ITGB6: variants seen among roughly 807,000 people sequenced by gnomAD.
ITGB6 encodes the protein integrin subunit beta 6.
Under a neutral mutation model 84.5 loss-of-function variants are expected in ITGB6, and 80 were observed. The observed-to-expected ratio is 0.95, with a 90% CI of 0.79 to 1.14. The LOEUF (loss-of-function observed/expected upper bound fraction) is 1.14, where lower values mean the gene tolerates loss of function less well. Ranked by LOEUF, ITGB6 falls within the 50% of genes most tolerant of loss-of-function variation. ITGB6 has a pLI of 0.00. For synonymous variants in ITGB6, 383 were observed against 354.9 expected (o/e 1.08, Z -0.89); for missense variants, 1,006 against 968.0 (o/e 1.04, Z -0.52).
intron 11 of ITGB6, among the ~76,000 whole-genome samples, chr2:160,125,242 T>C (rs1236188600): frequency 6.6e-6 from 1 of 152,240 alleles, no homozygotes. Context: ...ACTTAATACC[T>C]CATTGATAAA....
At chr2:160,136,602 G>T (rs548613702) in intron 10 of ITGB6, among the ~76,000 whole-genome samples, 1 of 152,276 alleles carries the variant, frequency 6.6e-6, no homozygotes, top group East Asian at 1.9e-4. Flanking sequence ...ACATGCACAC[G>T]TATGTTTATT....
chr2:160,158,869 G>T (rs1042636936), intron 7 of ITGB6, among the ~76,000 whole-genome samples: 2 of 152,168 alleles, frequency 1.3e-5, no homozygotes, highest in East Asian at 3.9e-4. Context: ...GGGAGGCTGA[G>T]GGGGGTGGAT....
At chr2:160,177,137 C>T (rs1390731776) in intron 4 of ITGB6, among the ~76,000 whole-genome samples, 1 of 151,906 alleles carries the variant, frequency 6.6e-6, no homozygotes, top group East Asian at 1.9e-4. Flanking sequence ...CAAAAAATGG[C>T]ATTTGTTAGT....
chr2:160,128,144 G>A (rs1436926883), intron 10 of ITGB6, among the ~76,000 whole-genome samples: 1 of 152,118 alleles, frequency 6.6e-6, no homozygotes, highest in Non-Finnish European at 1.5e-5. Flanking sequence ...TTTAGTATAG[G>A]AGGCAGGCTA....
In ITGB6 at chr2:160,199,186, G is replaced by A. The variant is rs763423532; in HGVS notation, c.134C>T (p.Ala45Val). 1 of 1,613,486 alleles carries A rather than the reference G, an allele frequency of 6.2e-7. No homozygotes were observed. Among genetic ancestry groups the A allele is most frequent in the Admixed American group, 1.7e-5 (1 of 60,000 alleles). Reference sequence around the variant, plus strand: ...TGAGGTCATTTATTTTACCTCCTGAGCACACCAGGCACACTGAGGTCCAAT... The same window carrying A: ...TGAGGTCATTTATTTTACCTCCTGAACACACCAGGCACACTGAGGTCCAAT... The part of the protein sequence containing the change: ...LLIGPQCAWC[A>V]QENFTHPSGV... The change falls in exon 2 of 15, where the codon GCT becomes GTT. Residue 45 changes from alanine to valine, a missense_variant. By Grantham distance (64) the Ala-to-Val change is moderately conservative. Transcript: ENST00000283249.
intron 12 of ITGB6, among the ~76,000 whole-genome samples, chr2:160,120,110 G>A (rs1466045890): frequency 2.6e-5 from 4 of 151,792 alleles, no homozygotes; most frequent in East Asian, 1.9e-4. Flanking sequence ...TCAGTGTGGC[G>A]ATTCCTCAGG....
chr2:160,164,245 T>C (rs999135481), intron 7 of ITGB6, among the ~76,000 whole-genome samples: 1 of 152,218 alleles, frequency 6.6e-6, no homozygotes, highest in East Asian at 1.9e-4. Context: ...TCACAAACTT[T>C]GGCATAGTTC....
intron 10 of ITGB6, among the ~76,000 whole-genome samples, chr2:160,135,879 C>T (rs1559132958): frequency 2.6e-5 from 4 of 152,140 alleles, no homozygotes; most frequent in Admixed American, 2.6e-4. Context: ...GGATCCCTTC[C>T]TTACACCTTA....
In ITGB6 at chr2:160,172,721, C is replaced by G. The variant is rs1428351211; in HGVS notation, c.769G>C (p.Gly257Arg). ...MQAAVCKEKI[G>R]WRNDSLHLLV... is the part of the protein sequence containing the mutation. ...AGGTGGAGGGAGTCATTCCGCCAGC[C>G]AATTTTTTCCTACAGTGAGAAAGAA... Residue 257 changes from glycine (G) to arginine (R), a missense_variant, in exon 6 of 15, where the codon GGC becomes CGC. By Grantham distance (125) the Gly-to-Arg change is moderately radical (BLOSUM62 -2). Coordinates refer to ENST00000283249, the MANE Select transcript of ITGB6 (RefSeq NM_000888.5). 1 of 1,593,208 alleles carries G rather than the reference C, an allele frequency of 6.3e-7. No individual in the cohort carries two copies. The highest frequency in any genetic ancestry group is 1.7e-5 in the Admixed American group (1 of 59,794).
chr2:160,116,294 T>A (rs1682764117), intron 12 of ITGB6, among the ~76,000 whole-genome samples: 1 of 151,686 alleles, frequency 6.6e-6, no homozygotes. Flanking sequence ...GGGAAGCCCA[T>A]CAGACTAACA....
At chr2:160,118,603 A>T (rs1682886598) in intron 12 of ITGB6, among the ~76,000 whole-genome samples, 1 of 152,186 alleles carries the variant, frequency 6.6e-6, no homozygotes, top group Non-Finnish European at 1.5e-5. Context: ...GAAAACAGGC[A>T]CAAGACAGGG....
intron 4 of ITGB6, among the ~76,000 whole-genome samples, chr2:160,178,670 TTCTCTC>T (rs1169328146): frequency 7.9e-6 from 1 of 126,412 alleles, no homozygotes; most frequent in African/African-American, 2.6e-5. Flanking sequence ...CTCTCTATCT[TTCTCTC>T]TCTCTCTCTC....
Position 160,196,244 on chromosome 2 carries a change from AGGC to A in ITGB6, c.315_317del (p.Pro106del). 1 of 1,614,014 alleles carries A rather than the reference AGGC, an allele frequency of 6.2e-7. No individual in the cohort carries two copies. The highest frequency in any genetic ancestry group is 8.5e-7 in the Non-Finnish European group (1 of 1,179,918). ...GTCTCAACTTAAGGATCAAGCTTTG[AGGC>A]GCAATCTGAACAATGTCAGAACTAT... On this transcript the variant is annotated inframe_deletion, in exon 3 of 15. Transcript: ENST00000283249.
chr2:160,191,845 A>C (rs1304582319), intron 4 of ITGB6, among the ~76,000 whole-genome samples: 1 of 152,224 alleles, frequency 6.6e-6, no homozygotes, highest in African/African-American at 2.4e-5. Flanking sequence ...ACGCAAAATC[A>C]ATTGCAATTC....
Position 160,188,617 on chromosome 2 carries a change from T to G in ITGB6, c.593+6752A>C, listed in dbSNP as rs575892845. On this transcript the variant is annotated intron_variant, in intron 4 of 14. Transcript: ENST00000283249. ...TAACTCATTCAATTCTTTTTTTTTT[T>G]TTGTTAGATGTAGTCTCGCTCTGTC... Among the ~76,000 whole-genome samples, 476 of 152,146 alleles carry G rather than the reference T, an allele frequency of 3.1e-3. 2 individuals are homozygous for G. Among genetic ancestry groups the G allele is most frequent in the Non-Finnish European group, 4.5e-3 (305 of 68,002 alleles).
At chr2:160,183,057 G>T (rs1301416520) in intron 4 of ITGB6, among the ~76,000 whole-genome samples, 1 of 152,054 alleles carries the variant, frequency 6.6e-6, no homozygotes, top group Non-Finnish European at 1.5e-5. Context: ...TGTAAAGACC[G>T]TCGACACTAT....
At position 160,197,184 on chromosome 2, in the gene ITGB6, T is replaced by C. The variant is rs113175796; in HGVS notation, c.142-764A>G. ...TTTTGCTGGTGCCTGTAGTCCCAGCTACTTGGGAGGCTGAGGCAGGAGAAC... is the reference window on the plus strand; with the variant it reads ...TTTTGCTGGTGCCTGTAGTCCCAGCCACTTGGGAGGCTGAGGCAGGAGAAC... On this transcript the variant is annotated intron_variant, in intron 2 of 14. Transcript: ENST00000283249. Among the ~76,000 whole-genome samples, 757 of 152,172 alleles carry C rather than the reference T, an allele frequency of 5.0e-3. 8 individuals carry two copies. The highest frequency in any genetic ancestry group is 0.017 in the African/African-American group (725 of 41,504).
At chr2:160,196,186 T>C in intron 3 of ITGB6, 30 bp downstream of exon 3, 2 of 1,568,644 alleles carry the variant, frequency 1.3e-6, no homozygotes. Context: ...TGACATTAGA[T>C]CTATTTACAT....
intron 7 of ITGB6, among the ~76,000 whole-genome samples, chr2:160,160,055 C>T (rs1466233520): frequency 6.6e-6 from 1 of 152,148 alleles, no homozygotes; most frequent in Non-Finnish European, 1.5e-5. Flanking sequence ...TTGGCTATGT[C>T]CCACGGGCCA....
Sources: gnomAD v4.1 joint callset for allele counts (sites outside exome capture counted in the v4.1 genomes callset) on GRCh38, gnomAD v4.1.1 for gene constraint, MANE v1.5 for transcripts, NCBI Gene and HGNC (gene_info 2026-07-23, HGNC 2026-07-21) for gene names.